The following MARK2 variants were observed in gnomAD, a reference collection of about 807,000 sequenced individuals.
The protein encoded by MARK2 is microtubule affinity regulating kinase 2, also known as serine/threonine-protein kinase MARK2.
A neutral mutation model predicts 89.8 loss-of-function variants in MARK2; 16 were observed. That is an observed-to-expected ratio of 0.18 (90% CI 0.12 to 0.27). The LOEUF (loss-of-function observed/expected upper bound fraction) is 0.27. Ranked by LOEUF, MARK2 falls within the 10% of genes least tolerant of loss-of-function variation. The pLI is 1.00. For synonymous variants in MARK2, 382 were observed against 399.5 expected (o/e 0.96, Z 0.52); for missense variants, 621 against 1,049.9 (o/e 0.59, Z 5.65).
chr11:63,895,045 C>A, intron 1 of MARK2, 114 bp from the exon 2 acceptor site: 3 of 763,508 alleles, frequency 3.9e-6, no homozygotes, highest in South Asian at 1.8e-5. Flanking sequence ...TCTTCACATG[C>A]CTACCAGCCC....
chr11:63,872,010 C>A lies in MARK2; in HGVS notation c.55-23149C>A, dbSNP rs562638760. 1.1e-4 allele frequency among the ~76,000 whole-genome samples: 17 copies of A among 152,350 alleles called. No homozygotes were observed. In the South Asian group the frequency reaches 3.3e-3, roughly 30 times the overall value. On this transcript the variant is annotated intron_variant, in intron 1 of 18. Coordinates refer to ENST00000402010, the MANE Select transcript of MARK2 (RefSeq NM_001039469.3). ...CAGGCCCAGGAGTCAGGCCCACTTT[C>A]CCTTTTCTCTTGAGGGAATGACTCA...
At chr11:63,876,749 T>C (rs1380027632) in intron 1 of MARK2, among the ~76,000 whole-genome samples, 2 of 152,170 alleles carry the variant, frequency 1.3e-5, no homozygotes, top group Non-Finnish European at 2.9e-5. Flanking sequence ...AATTCAGAGG[T>C]GGAGAGCTAC....
Position 63,839,384 on chromosome 11 carries a change from C to G in MARK2, c.-123C>G. The G allele has an allele frequency of 1.7e-6, 1 of 602,340 alleles. No individual in the cohort carries two copies. Among genetic ancestry groups the G allele is most frequent in the Non-Finnish European group, 2.9e-6 (1 of 347,746 alleles). 37.3% of individuals were successfully genotyped at this position (602,340 alleles called of 1,614,324 possible). A position where few individuals can be genotyped will look rare whatever the true frequency, so the allele number is the denominator to read the frequency against. ...AGCGGCTGCCCGGCCTCCCCGCACC[C>G]CCGGCCGGGGCCCATGCGGCGGGTG... On this transcript the variant is annotated 5_prime_UTR_variant, in exon 1 of 19. Transcript: ENST00000402010.
chr11:63,894,370 C>T (rs1468494157), intron 1 of MARK2, among the ~76,000 whole-genome samples: 5 of 152,214 alleles, frequency 3.3e-5, no homozygotes, highest in Admixed American at 3.3e-4. Context: ...TGCAGTCCTT[C>T]CATGCAGGAA....
At chr11:63,859,880 G>A (rs557786118) in intron 1 of MARK2, among the ~76,000 whole-genome samples, 47 of 152,258 alleles carry the variant, frequency 3.1e-4, no homozygotes, top group Non-Finnish European at 4.9e-4. Flanking sequence ...TCCACCTGCC[G>A]TGGCCTCCTA....
At chr11:63,866,940 G>C (rs1162856452) in intron 1 of MARK2, among the ~76,000 whole-genome samples, 1 of 152,122 alleles carries the variant, frequency 6.6e-6, no homozygotes, top group Admixed American at 6.5e-5. Flanking sequence ...TTTCTTGCCA[G>C]GCACTGTCAG....
intron 1 of MARK2, among the ~76,000 whole-genome samples, chr11:63,866,951 G>A (rs1938169736): frequency 6.6e-6 from 1 of 152,126 alleles, no homozygotes; most frequent in Non-Finnish European, 1.5e-5. Flanking sequence ...GCACTGTCAG[G>A]AATTAGTATT....
chr11:63,876,632 G>A (rs977586659), intron 1 of MARK2, among the ~76,000 whole-genome samples: 2 of 152,176 alleles, frequency 1.3e-5, no homozygotes, highest in Non-Finnish European at 2.9e-5. Flanking sequence ...TTGGGTCTTC[G>A]TTTATGCCGC....
At chr11:63,876,620 C>A (rs971529066) in intron 1 of MARK2, among the ~76,000 whole-genome samples, 10 of 152,196 alleles carry the variant, frequency 6.6e-5, no homozygotes, top group African/African-American at 2.4e-4. Context: ...TGGGTTTCTT[C>A]TTTGGGTCTT....
chr11:63,898,587 G>A (rs763917241), intron 4 of MARK2, 21 bp from the exon 5 acceptor site: 14 of 1,603,218 alleles, frequency 8.7e-6, no homozygotes, highest in African/African-American at 1.3e-5. Flanking sequence ...TTGACTTAAG[G>A]CTTGGCCTTT....
chr11:63,839,580 C>T lies in MARK2; in HGVS notation c.54+20C>T, dbSNP rs1474451599. 1.3e-6 allele frequency: 2 copies of T among 1,499,238 alleles called. No individual in the cohort carries two copies. The highest frequency in any genetic ancestry group is 1.8e-6 in the Non-Finnish European group (2 of 1,108,616). The allele number at this position is 1,499,238 out of a possible 1,614,324, so 92.9% of individuals were successfully genotyped here. ...GAGCAGGTAAGGAGCCCCGAGGGCT[C>T]CCCGAATTCTCTGGCTGGGCCCTTT... On this transcript the variant is annotated intron_variant, in intron 1 of 18. Transcript: ENST00000402010.
In MARK2 at chr11:63,910,579, C is replaced by T. The variant is rs1332498937; in HGVS notation, c.*1342C>T. ...AGAAATTGGGGGTGGGAGTCCTACA[C>T]AGAGGCTGCCCCTACCCTCACCTGA... On this transcript the variant is annotated 3_prime_UTR_variant, in exon 19 of 19. Transcript: ENST00000402010. 6.6e-6 allele frequency: 1 copy of T among 152,102 alleles called. No homozygotes were observed. The highest frequency in any genetic ancestry group is 1.9e-4 in the East Asian group (1 of 5,194). 9.4% of individuals were successfully genotyped at this position (152,102 alleles called of 1,614,324 possible).
At chr11:63,872,026 G>T (rs970715537) in intron 1 of MARK2, among the ~76,000 whole-genome samples, 1 of 152,226 alleles carries the variant, frequency 6.6e-6, no homozygotes, top group African/African-American at 2.4e-5. Context: ...TCTCTTGAGG[G>T]AATGACTCAG....
chr11:63,897,577 C>T (rs142589824), intron 3 of MARK2, among the ~76,000 whole-genome samples: 2 of 152,342 alleles, frequency 1.3e-5, no homozygotes, highest in Non-Finnish European at 2.9e-5. Context: ...CTCTGGCCCC[C>T]GCAGAGGGGA....
At chr11:63,850,342 G>GTTTTTT (rs1382022541) in intron 1 of MARK2, among the ~76,000 whole-genome samples, 3 of 120,726 alleles carry the variant, frequency 2.5e-5, no homozygotes, top group Non-Finnish European at 3.4e-5. Context: ...TTTTTTTTTG[G>GTTTTTT]ATTTTTAGTA....
chr11:63,860,824 C>T (rs1937717764), intron 1 of MARK2, among the ~76,000 whole-genome samples: 1 of 151,966 alleles, frequency 6.6e-6, no homozygotes, highest in Non-Finnish European at 1.5e-5. Context: ...CGCCACTGCA[C>T]TCCAGCCTCG....
intron 1 of MARK2, among the ~76,000 whole-genome samples, chr11:63,842,498 G>A (rs982138701): frequency 4.6e-5 from 7 of 151,972 alleles, no homozygotes; most frequent in Admixed American, 1.3e-4. Context: ...GAGCCACTGC[G>A]CCGGGCCTGA....
intron 1 of MARK2, 106 bp from the exon 2 acceptor site, chr11:63,895,053 C>G (rs967319596): frequency 3.6e-6 from 3 of 835,836 alleles, no homozygotes; most frequent in Admixed American, 5.1e-5. Context: ...TGCCTACCAG[C>G]CCCCTGGAAT....
intron 1 of MARK2, among the ~76,000 whole-genome samples, chr11:63,882,429 C>CA (rs1738524536): frequency 6.6e-6 from 1 of 151,790 alleles, no homozygotes; most frequent in South Asian, 2.1e-4. Flanking sequence ...ACTAAAAATA[C>CA]AAAATTAGCC....
Sources: gnomAD v4.1 joint callset for allele counts (sites outside exome capture counted in the v4.1 genomes callset) on GRCh38, gnomAD v4.1.1 for gene constraint, MANE v1.5 for transcripts, NCBI Gene and HGNC (gene_info 2026-07-23, HGNC 2026-07-21) for gene names.